Variants in CSMD2 observed in about 807,000 individuals in gnomAD.
The protein encoded by CSMD2 is CUB and Sushi multiple domains 2.
In CSMD2, 130 loss-of-function variants were observed where a neutral mutation model predicts 398.5. The ratio of observed to expected loss-of-function variants is 0.33; its 90% CI spans 0.28 to 0.38. CSMD2 has a LOEUF of 0.38. Among genes scored for constraint, CSMD2 ranks in the 10% least tolerant of loss-of-function variants. CSMD2 has a pLI of 1.00. For missense variants in CSMD2, 3,829 were observed against 4,764.9 expected (o/e 0.80, Z 5.78); for synonymous variants, 1,828 against 1,908.5 (o/e 0.96, Z 1.10).
rs201981621 is a variant in CSMD2, at chr1:33,572,660, C to A, written c.7608G>T (p.Lys2536Asn). 1.1e-4 allele frequency: 185 copies of A among 1,612,704 alleles called. 1 individual carries two copies. The highest frequency in any genetic ancestry group is 8.5e-7 in the Non-Finnish European group (1 of 1,179,096). Residue 2536 changes from lysine (K) to asparagine (N), a missense_variant, in exon 50 of 71, where the codon AAG (lysine) becomes AAT (asparagine). Physicochemically the swap from Lys to Asn is moderately conservative, Grantham distance 94. This residue lies in a region of CSMD2 where 723 missense variants were observed against 758.6 expected (regional missense o/e 0.95). Coordinates refer to ENST00000373381, the MANE Select transcript of CSMD2 (RefSeq NM_001281956.2). ...ACTCCTTGCCAAACACCATTCCATT[C>A]TTGGGGGCCTCAGGAAGCCCACAGG... ...ALSCGLPEAP[K>N]NGMVFGKEYT...
intron 2 of CSMD2, among the ~76,000 whole-genome samples, chr1:34,037,430 C>T (rs758372138): frequency 1.3e-5 from 2 of 152,242 alleles, no homozygotes; most frequent in Non-Finnish European, 2.9e-5. Context: ...CCCTTTCCCT[C>T]CCCCGAAATA....
At chr1:34,013,814 G>A (rs1303467818) in intron 3 of CSMD2, among the ~76,000 whole-genome samples, 1 of 152,072 alleles carries the variant, frequency 6.6e-6, no homozygotes, top group Non-Finnish European at 1.5e-5. Context: ...TGACCTCATG[G>A]CTTTCAATAC....
chr1:33,964,406 C>T (rs1052794481), intron 3 of CSMD2, among the ~76,000 whole-genome samples: 3 of 152,210 alleles, frequency 2.0e-5, no homozygotes, highest in Non-Finnish European at 4.4e-5. Context: ...AATCTCTGCA[C>T]TCCTAGTCCC....
In CSMD2 at chr1:33,709,120, G is replaced by C. The variant is rs772680034; in HGVS notation, c.3545C>G (p.Ala1182Gly). 3.1e-6 allele frequency: 5 copies of C among 1,613,836 alleles called. No homozygotes were observed. Among genetic ancestry groups the C allele is most frequent in the Non-Finnish European group, 4.2e-6 (5 of 1,179,928 alleles). Reference sequence around the variant, plus strand: ...GACATCTCCTTCGGAGAGTTCGAATGCCCTGGCTTTCAGCTGAATTCCCTT... The same window carrying C: ...GACATCTCCTTCGGAGAGTTCGAATCCCCTGGCTTTCAGCTGAATTCCCTT... ...PGKGIQLKAR[A>G]FELSEGDVLK... The change falls in exon 22 of 71, where the codon GCA becomes GGA. Residue 1182 changes from alanine (A) to glycine (G), a missense_variant. By Grantham distance (60) the Ala-to-Gly change is moderately conservative (BLOSUM62 0). Transcript: ENST00000373381.
At chr1:34,090,363 C>T (rs533489973) in intron 1 of CSMD2, among the ~76,000 whole-genome samples, 45 of 152,300 alleles carry the variant, frequency 3.0e-4, no homozygotes, top group African/African-American at 1.0e-3. Flanking sequence ...TCTTTCTCTG[C>T]CTCCTTTCAG....
In CSMD2 at chr1:33,626,565, C is replaced by A; in HGVS notation, c.5217G>T (p.Leu1739Phe). The A allele has an allele frequency of 6.2e-7, 1 of 1,602,780 alleles. No individual in the cohort carries two copies. The highest frequency in any genetic ancestry group is 2.2e-5 in the East Asian group (1 of 44,588). Residue 1739 changes from leucine (L) to phenylalanine (F), a missense_variant, in exon 33 of 71, where the codon TTG (leucine) becomes TTT (phenylalanine). Physicochemically the swap from Leu to Phe is conservative, Grantham distance 22 (BLOSUM62 0). Transcript: ENST00000373381. Reference protein sequence around the residue: ...SGSHTGESLPLATSNQVLIKF... With the variant: ...SGSHTGESLPFATSNQVLIKF... ...TAATGAGAACTTGATTGGAGGTGGCCAAGGGCAGTGATTCTCCTGCCGAGA... is the reference window on the plus strand; with the variant it reads ...TAATGAGAACTTGATTGGAGGTGGCAAAGGGCAGTGATTCTCCTGCCGAGA...
chr1:33,821,662 T>TA (rs1231163166), intron 7 of CSMD2, among the ~76,000 whole-genome samples: 1 of 152,226 alleles, frequency 6.6e-6, no homozygotes, highest in Non-Finnish European at 1.5e-5. Context: ...ATTGAGCACC[T>TA]ACTGTGTACA....
chr1:34,126,074 T>C (rs1387103615), intron 1 of CSMD2, among the ~76,000 whole-genome samples: 10 of 152,208 alleles, frequency 6.6e-5, no homozygotes, highest in Admixed American at 4.6e-4. Flanking sequence ...GTTCCACCCA[T>C]GCCCTCATCC....
At position 33,533,471 on chromosome 1, in the gene CSMD2, C is replaced by A. The variant is rs887091217; in HGVS notation, c.9992-242G>T. ...TCTGAGTTGGGGGAACTTAAGCCTG[C>A]AGCACTTCCTGAGGGGTAAAGGAGT... On this transcript the variant is annotated intron_variant, in intron 63 of 70. Coordinates refer to ENST00000373381, the MANE Select transcript of CSMD2 (RefSeq NM_001281956.2). This position sits in a 1 kb window ranked among gnomAD's most constrained non-coding sequence, Gnocchi z 4.2. Among the ~76,000 whole-genome samples the A allele has an allele frequency of 1.3e-5, 2 of 152,166 alleles. No homozygotes were observed. Among genetic ancestry groups the A allele is most frequent in the African/African-American group, 4.8e-5 (2 of 41,428 alleles).
At chr1:34,028,352 G>T in intron 3 of CSMD2, among the ~76,000 whole-genome samples, 1 of 152,128 alleles carries the variant, frequency 6.6e-6, no homozygotes, top group East Asian at 1.9e-4. Flanking sequence ...AAGTATATTT[G>T]GGGTATACTT....
At chr1:33,524,812 T>C (rs1654624893) in intron 66 of CSMD2, 70 bp downstream of exon 66, 3 of 1,504,546 alleles carry the variant, frequency 2.0e-6, no homozygotes, top group Non-Finnish European at 2.7e-6. Flanking sequence ...GCAATGCCAT[T>C]AGGCTCATCC....
chr1:34,029,312 A>G (rs1221664560), intron 3 of CSMD2, among the ~76,000 whole-genome samples: 1 of 151,986 alleles, frequency 6.6e-6, no homozygotes, highest in Non-Finnish European at 1.5e-5. Flanking sequence ...TGACTAGTGA[A>G]TCTCCCCTCC....
At chr1:33,796,352 G>C (rs1236527660) in intron 10 of CSMD2, among the ~76,000 whole-genome samples, 2 of 152,184 alleles carry the variant, frequency 1.3e-5, no homozygotes, top group Non-Finnish European at 2.9e-5. Flanking sequence ...TGGCAGAGGA[G>C]CATAAATTGT....
intron 1 of CSMD2, among the ~76,000 whole-genome samples, chr1:34,145,656 C>T (rs997621609): frequency 5.3e-5 from 8 of 152,308 alleles, no homozygotes; most frequent in African/African-American, 1.7e-4. Context: ...TTGGGAGGAA[C>T]TCAGAGAACG....
At position 33,658,052 on chromosome 1, in the gene CSMD2, T is replaced by C. The variant is rs773454288; in HGVS notation, c.4341A>G (p.Thr1447=). Residue 1447 remains threonine (T), a synonymous_variant, in exon 27 of 71, where the codon ACA becomes ACG. Transcript: ENST00000373381. ...SGDSWEAGDS[T]VFQCDPGYAL... ...CGTAGCCAGGGTCACACTGGAACAC[T>C]GTGGAGTCGCCGGCTTCCCAACTGT... 1.3e-5 allele frequency: 21 copies of C among 1,614,198 alleles called. No individual in the cohort carries two copies. The highest frequency in any genetic ancestry group is 1.7e-5 in the Non-Finnish European group (20 of 1,180,030).
chr1:33,848,810 GTT>G (rs35897729), intron 5 of CSMD2, among the ~76,000 whole-genome samples: 1 of 142,718 alleles, frequency 7.0e-6, no homozygotes, highest in South Asian at 2.2e-4. Context: ...CGTATTGTGG[GTT>G]TTTTTTTTTT....
intron 1 of CSMD2, among the ~76,000 whole-genome samples, chr1:34,106,891 C>G (rs578076249): frequency 6.6e-6 from 1 of 152,208 alleles, no homozygotes; most frequent in African/African-American, 2.4e-5. Context: ...AACACAGAAG[C>G]CACCATTGCG....
intron 28 of CSMD2, among the ~76,000 whole-genome samples, chr1:33,650,373 T>C (rs1445222549): frequency 6.6e-6 from 1 of 152,000 alleles, no homozygotes; most frequent in East Asian, 1.9e-4. Flanking sequence ...ATGGAGGAAA[T>C]CAAGCCTGAA....
chr1:34,094,674 G>A (rs1356561524), intron 1 of CSMD2, among the ~76,000 whole-genome samples: 3 of 152,056 alleles, frequency 2.0e-5, no homozygotes, highest in East Asian at 3.8e-4. Flanking sequence ...GCCATTACAT[G>A]ATGGTAAAGG....
Sources: gnomAD v4.1 joint callset for allele counts (sites outside exome capture counted in the v4.1 genomes callset) on GRCh38, gnomAD v4.1.1 for gene constraint, gnomAD v4.1.1 regional missense constraint, Gnocchi (gnomAD v3.1) non-coding constraint, MANE v1.5 for transcripts, NCBI Gene and HGNC (gene_info 2026-07-23, HGNC 2026-07-21) for gene names.